Variants in MCU observed in about 807,000 individuals in gnomAD.
The protein encoded by MCU is calcium uniporter protein, mitochondrial.
In MCU, 12 loss-of-function variants were observed where a neutral mutation model predicts 45.2. The ratio of observed to expected loss-of-function variants is 0.27; its 90% confidence interval spans 0.17 to 0.43. The LOEUF (loss-of-function observed/expected upper bound fraction) is 0.43. Among genes scored for constraint, MCU ranks in the 20% least tolerant of loss-of-function variants. The probability of loss-of-function intolerance (pLI) is 1.00; values close to 1 mark genes in which losing one functional copy is unlikely to be tolerated. For synonymous variants in MCU, 160 were observed against 165.1 expected, an observed-to-expected ratio of 0.97 and a Z score of 0.24; for missense variants, 324 against 436.7, an observed-to-expected ratio of 0.74 and a Z score of 2.30.
chr10:72,878,428 C>A (rs1394910765), intron 6 of MCU, among the ~76,000 whole-genome samples: 1 of 151,960 alleles, frequency 6.6e-6, no homozygotes, highest in African/African-American at 2.4e-5. Flanking sequence ...GCCAGTTTTG[C>A]AGATATTAAA....
intron 1 of MCU, among the ~76,000 whole-genome samples, chr10:72,790,701 C>T (rs1844145132): frequency 6.6e-6 from 1 of 152,082 alleles, no homozygotes; most frequent in African/African-American, 2.4e-5. Flanking sequence ...AGCTCTGTAT[C>T]TAGGGAAGGC....
At chr10:72,814,637 A>G (rs563752712) in intron 1 of MCU, among the ~76,000 whole-genome samples, 1 of 152,338 alleles carries the variant, frequency 6.6e-6, no homozygotes, top group Non-Finnish European at 1.5e-5. Flanking sequence ...CAAACAATGA[A>G]GCATAACTTG....
intron 1 of MCU, 53 bp from the exon 2 acceptor site, chr10:72,834,306 G>A: frequency 2.3e-6 from 3 of 1,303,842 alleles, no homozygotes; most frequent in Non-Finnish European, 3.3e-6. Context: ...ACACACATAA[G>A]TATATGTTTG....
At chr10:72,846,002 A>G (rs1266444483) in intron 2 of MCU, among the ~76,000 whole-genome samples, 9 of 152,106 alleles carry the variant, frequency 5.9e-5, no homozygotes. Flanking sequence ...AGTTACCCAC[A>G]GGCAACCGCA....
At position 72,743,845 on chromosome 10, in the gene MCU, T is replaced by C. The variant is rs868262341; in HGVS notation, c.150+51544T>C. On this transcript the variant is annotated intron_variant, in intron 1 of 7. Transcript: ENST00000373053. ...TAACCTTAGTTCTGCATAGTATATTTCTATATGAAATTCTCTTGGTGCCTG... is the reference window on the plus strand; with the variant it reads ...TAACCTTAGTTCTGCATAGTATATTCCTATATGAAATTCTCTTGGTGCCTG... Among the ~76,000 whole-genome samples the C allele has an allele frequency of 3.9e-5, 6 of 152,290 alleles. No individual in the cohort carries two copies. The South Asian group carries it at 8.3e-4, about 21-fold the overall frequency.
chr10:72,800,634 G>A (rs1356456191), intron 1 of MCU, among the ~76,000 whole-genome samples: 1 of 152,208 alleles, frequency 6.6e-6, no homozygotes, highest in Non-Finnish European at 1.5e-5. Flanking sequence ...TTGAAAGGCT[G>A]AGAATCACTG....
intron 1 of MCU, among the ~76,000 whole-genome samples, chr10:72,751,978 T>C (rs758688826): frequency 1.3e-5 from 2 of 151,888 alleles, no homozygotes; most frequent in Non-Finnish European, 2.9e-5. Flanking sequence ...TAGCTAGGAC[T>C]ACAGGCACCC....
At chr10:72,843,954 T>C (rs1012830068) in intron 2 of MCU, among the ~76,000 whole-genome samples, 21 of 152,294 alleles carry the variant, frequency 1.4e-4, no homozygotes, top group Admixed American at 3.9e-4. Flanking sequence ...TTTATACATA[T>C]TAATTATAGA....
chr10:72,783,793 T>TAG (rs1298191051), intron 1 of MCU, among the ~76,000 whole-genome samples: 1 of 152,188 alleles, frequency 6.6e-6, no homozygotes, highest in Non-Finnish European at 1.5e-5. Flanking sequence ...CAAATGCCTA[T>TAG]AGGAAGGATT....
rs182351154 is a variant in MCU, at chr10:72,735,220, G to C, written c.150+42919G>C. Among the ~76,000 whole-genome samples the C allele has an allele frequency of 5.3e-5, 8 of 152,082 alleles. No homozygotes were observed. In the East Asian group the frequency reaches 1.4e-3, roughly 26 times the overall value. On this transcript the variant is annotated intron_variant, in intron 1 of 7. Transcript: ENST00000373053. ...GCTTTGCAAACCCATATATGACCTGGAACTGGCAATGAAAATAAGTTGTAT... is the reference window on the plus strand; with the variant it reads ...GCTTTGCAAACCCATATATGACCTGCAACTGGCAATGAAAATAAGTTGTAT...
At chr10:72,792,914 T>C (rs2132766969) in intron 1 of MCU, among the ~76,000 whole-genome samples, 1 of 152,138 alleles carries the variant, frequency 6.6e-6, no homozygotes, top group Middle Eastern at 3.4e-3. Flanking sequence ...AGTCTCACTC[T>C]GTTGCCCAGG....
intron 1 of MCU, among the ~76,000 whole-genome samples, chr10:72,732,286 G>A (rs2132686075): frequency 6.6e-6 from 1 of 152,262 alleles, no homozygotes; most frequent in Non-Finnish European, 1.5e-5. Context: ...TTAAGAGTAA[G>A]GATGCCTTTT....
Position 72,795,275 on chromosome 10 carries a change from C to G in MCU, c.151-39084C>G, listed in dbSNP as rs1264751119. On this transcript the variant is annotated intron_variant, in intron 1 of 7. Transcript: ENST00000373053. ...TGTAAGTTTTCATCATCACCTTCCT[C>G]AGGCCCACCCTGCCTCCACCTGCCA... Among the ~76,000 whole-genome samples the G allele has an allele frequency of 3.9e-5, 6 of 152,304 alleles. No homozygotes were observed. The East Asian group carries it at 7.7e-4, about 20-fold the overall frequency.
At chr10:72,865,292 A>G (rs1167382276) in intron 4 of MCU, among the ~76,000 whole-genome samples, 1 of 152,198 alleles carries the variant, frequency 6.6e-6, no homozygotes, top group East Asian at 1.9e-4. Flanking sequence ...CTAGAAGTAA[A>G]TTAGGGTATA....
At chr10:72,823,940 A>C (rs1167760942) in intron 1 of MCU, among the ~76,000 whole-genome samples, 2 of 152,044 alleles carry the variant, frequency 1.3e-5, no homozygotes, top group Non-Finnish European at 2.9e-5. Context: ...TATCCCAGCT[A>C]CTCAGGAGGC....
At chr10:72,763,658 G>T (rs1843686523) in intron 1 of MCU, among the ~76,000 whole-genome samples, 1 of 152,126 alleles carries the variant, frequency 6.6e-6, no homozygotes, top group African/African-American at 2.4e-5. Flanking sequence ...ACAGTGGCAT[G>T]ACATTGAAGG....
chr10:72,699,510 A>T (rs1470754258), intron 1 of MCU, among the ~76,000 whole-genome samples: 1 of 152,104 alleles, frequency 6.6e-6, no homozygotes, highest in Non-Finnish European at 1.5e-5. Flanking sequence ...CCGTCCCGGA[A>T]AAAGGGAAAA....
chr10:72,716,356 C>T (rs988946598), intron 1 of MCU, among the ~76,000 whole-genome samples: 18 of 152,212 alleles, frequency 1.2e-4, no homozygotes, highest in Admixed American at 2.0e-4. Flanking sequence ...TGTCATAATG[C>T]TGACTAGCAA....
chr10:72,868,501 A>G (rs997941962), intron 4 of MCU, among the ~76,000 whole-genome samples: 1 of 151,762 alleles, frequency 6.6e-6, no homozygotes, highest in African/African-American at 2.4e-5. Flanking sequence ...GCAGTGAGCC[A>G]AGATCACACC....
Sources: gnomAD v4.1 joint callset for allele counts (sites outside exome capture counted in the v4.1 genomes callset) on GRCh38, gnomAD v4.1.1 for gene constraint, MANE v1.5 for transcripts, NCBI Gene and HGNC (gene_info 2026-07-23, HGNC 2026-07-21) for gene names.